The following UBR2 variants were observed in gnomAD, a reference collection of about 807,000 sequenced individuals.
UBR2 encodes the protein ubiquitin protein ligase E3 component n-recognin 2.
A neutral mutation model predicts 247.9 loss-of-function variants in UBR2; 92 were observed. The ratio of observed to expected loss-of-function variants is 0.37; its 90% CI spans 0.31 to 0.44. The LOEUF is 0.44. Ranked by LOEUF, UBR2 falls within the 20% of genes least tolerant of loss-of-function variation. UBR2 has a pLI of 1.00. For synonymous variants in UBR2, 672 were observed against 693.5 expected (o/e 0.97, Z 0.49); for missense variants, 1,613 against 2,112.6 (o/e 0.76, Z 4.64).
intron 7 of UBR2, 27 bp from the exon 8 acceptor site, chr6:42,612,144 T>G (rs778334715): frequency 6.7e-7 from 1 of 1,486,278 alleles, no homozygotes; most frequent in South Asian, 1.4e-5. Context: ...TTAAGTTAAT[T>G]TTTAAATCTT....
intron 34 of UBR2, 63 bp from the exon 35 acceptor site, chr6:42,670,029 A>G (rs1049275142): frequency 1.3e-6 from 2 of 1,572,926 alleles, no homozygotes; most frequent in Non-Finnish European, 1.7e-6. Flanking sequence ...CTGTTAAGAA[A>G]CCGAACCATT....
intron 32 of UBR2, 83 bp downstream of exon 32, chr6:42,663,502 A>G: frequency 7.1e-7 from 1 of 1,405,472 alleles, no homozygotes; most frequent in Non-Finnish European, 9.6e-7. Context: ...AGGAAAACTT[A>G]GTCTAGGCAA....
At chr6:42,652,790 G>T (rs1797201165) in intron 25 of UBR2, 145 bp downstream of exon 25, 1 of 796,282 alleles carries the variant, frequency 1.3e-6, no homozygotes, top group Non-Finnish European at 1.9e-6. Flanking sequence ...TTTTGTGTCT[G>T]ACAGTAAAAA....
chr6:42,615,345 A>G (rs1003951881), intron 9 of UBR2, among the ~76,000 whole-genome samples, 167 bp downstream of exon 9: 3 of 152,240 alleles, frequency 2.0e-5, no homozygotes, highest in East Asian at 1.9e-4. Flanking sequence ...GGTGGGGTCC[A>G]TGATCCAACT....
intron 3 of UBR2, among the ~76,000 whole-genome samples, chr6:42,593,157 G>C (rs1582475742): frequency 6.6e-6 from 1 of 152,256 alleles, no homozygotes; most frequent in Admixed American, 6.5e-5. Context: ...CTGGGCGACA[G>C]AGCGAGACTC....
Position 42,659,814 on chromosome 6 carries a change from C to T in UBR2, c.3401C>T (p.Thr1134Ile), listed in dbSNP as rs1797698433. ...TTGGCAGCATTTGTTCAGAGATCAA[C>T]TGTATTATCAAAAAACAGAAGTAAA... is the stretch of plus-strand genomic sequence containing the variant. ...MVLAAFVQRS[T>I]VLSKNRSKFI... is the part of the protein sequence containing the mutation. The change falls in exon 30 of 47, where the codon ACT (threonine) becomes ATT (isoleucine). Residue 1134 changes from threonine (T) to isoleucine (I), a missense_variant. Transcript: ENST00000372901. The surrounding 1 kb of genome is among the most constrained non-coding windows in gnomAD (Gnocchi z 4.3). The T allele has an allele frequency of 6.2e-7, 1 of 1,614,050 alleles. No individual in the cohort carries two copies. Among genetic ancestry groups the T allele is most frequent in the Non-Finnish European group, 8.5e-7 (1 of 1,180,028 alleles).
At chr6:42,595,254 T>G (rs1392299069) in intron 4 of UBR2, among the ~76,000 whole-genome samples, 1 of 152,232 alleles carries the variant, frequency 6.6e-6, no homozygotes, top group African/African-American at 2.4e-5. Context: ...TAGAACTCAT[T>G]CTTTCTATCT....
At chr6:42,585,744 T>G (rs1792211705) in intron 2 of UBR2, among the ~76,000 whole-genome samples, 1 of 152,222 alleles carries the variant, frequency 6.6e-6, no homozygotes, top group African/African-American at 2.4e-5. Flanking sequence ...TTGCTTTTGA[T>G]GTCTGTGGTG....
At chr6:42,690,663 CT>C (rs1299022350) in intron 46 of UBR2, among the ~76,000 whole-genome samples, 2 of 152,088 alleles carry the variant, frequency 1.3e-5, no homozygotes, top group Non-Finnish European at 2.9e-5. Flanking sequence ...TATAATTCTT[CT>C]TTTGTGTTCT....
chr6:42,601,305 A>G (rs1325271018), intron 4 of UBR2, among the ~76,000 whole-genome samples: 2 of 152,188 alleles, frequency 1.3e-5, no homozygotes, highest in Non-Finnish European at 2.9e-5. Flanking sequence ...ACCAGCTCTG[A>G]TTCTTTCTGT....
At chr6:42,673,984 A>T in intron 37 of UBR2, 97 bp downstream of exon 37, 1 of 1,273,300 alleles carries the variant, frequency 7.9e-7, no homozygotes, top group African/African-American at 1.5e-5. Context: ...TTAAATATTT[A>T]GTAGTACTGG....
chr6:42,647,989 T>C, intron 21 of UBR2, 129 bp from the exon 22 acceptor site: 2 of 586,326 alleles, frequency 3.4e-6, no homozygotes, highest in South Asian at 5.6e-5. Flanking sequence ...TATGGAATCC[T>C]CATCTGTAAA....
intron 18 of UBR2, among the ~76,000 whole-genome samples, chr6:42,643,856 G>A (rs1230638357): frequency 6.6e-6 from 1 of 151,988 alleles, no homozygotes; most frequent in Non-Finnish European, 1.5e-5. Context: ...AAGTCCAAAC[G>A]GTGATCAGAG....
chr6:42,625,273 G>A (rs774830458), intron 11 of UBR2, among the ~76,000 whole-genome samples: 4 of 152,034 alleles, frequency 2.6e-5, no homozygotes, highest in Non-Finnish European at 5.9e-5. Context: ...CTAATAACAT[G>A]TTTTTTCTTG....
At position 42,592,225 on chromosome 6, in the gene UBR2, A is replaced by G. The variant is rs1582473442; in HGVS notation, c.413A>G (p.Tyr138Cys). Residue 138 changes from tyrosine to cysteine, a missense_variant, in exon 3 of 47, where the codon TAT becomes TGT. By Grantham distance (194) the Tyr-to-Cys change is radical. Around this residue, in one of 3 missense-constraint regions of UBR2, gnomAD observed 1,524 missense variants for 1,967.3 expected, o/e 0.77. Transcript: ENST00000372901. ...FLGSIHRDHR[Y>C]RMTTSGGGGF... is the part of the protein sequence containing the mutation. ...GGAAGTATTCACAGAGATCATCGAT[A>G]TAGGGTTAGTAATGTCCAAATAATA... 3 of 1,583,834 alleles carry G rather than the reference A, an allele frequency of 1.9e-6. No homozygotes were observed. Among genetic ancestry groups the G allele is most frequent in the East Asian group, 2.3e-5 (1 of 44,432 alleles).
chr6:42,691,777 T>TA lies in UBR2; in HGVS notation c.*605dup, dbSNP rs1799763782. Reference sequence around the variant, plus strand: ...GTGCTGGCTGGTTTTTCAGGGCTGTTAGAGGTTTTTTTTTTTTCTTTTTTT... The same window carrying TA: ...GTGCTGGCTGGTTTTTCAGGGCTGTTAAGAGGTTTTTTTTTTTTCTTTTTTT... On this transcript the variant is annotated 3_prime_UTR_variant, in exon 47 of 47. Coordinates refer to ENST00000372901, the MANE Select transcript of UBR2 (RefSeq NM_001363705.2). 1 of 146,726 alleles carries TA rather than the reference T, an allele frequency of 6.8e-6. No homozygotes were observed. Among genetic ancestry groups the TA allele is most frequent in the Admixed American group, 6.8e-5 (1 of 14,714 alleles). The allele number at this position is 146,726 out of a possible 1,614,324, so 9.1% of individuals were successfully genotyped here.
At chr6:42,631,860 T>TTA (rs59218885) in intron 11 of UBR2, among the ~76,000 whole-genome samples, 3,211 of 61,328 alleles carry the variant, frequency 0.052, 64 homozygotes, top group Non-Finnish European at 0.069. Flanking sequence ...TACTCTGATT[T>TTA]TATATATATA....
chr6:42,580,211 C>T (rs919039843), intron 2 of UBR2, among the ~76,000 whole-genome samples: 1 of 152,054 alleles, frequency 6.6e-6, no homozygotes, highest in Non-Finnish European at 1.5e-5. Context: ...CTCTCTCTGA[C>T]CTGGGAAAAT....
Position 42,691,051 on chromosome 6 carries a change from T to A in UBR2, c.5146T>A (p.Leu1716Ile). Residue 1716 changes from leucine to isoleucine, a missense_variant, in exon 47 of 47, where the codon TTA becomes ATA. Physicochemically the swap from Leu to Ile is conservative, Grantham distance 5. Transcript: ENST00000372901. ...TTCTAGACGGGGAAATCCTTTACATTTATGCAAAGAGCGATTCAAGAAGAT... is the reference window on the plus strand; with the variant it reads ...TTCTAGACGGGGAAATCCTTTACATATATGCAAAGAGCGATTCAAGAAGAT... ...QGLRRGNPLH[L>I]CKERFKKIQK... The A allele has an allele frequency of 1.2e-6, 2 of 1,614,028 alleles. No homozygotes were observed. Among genetic ancestry groups the A allele is most frequent in the Non-Finnish European group, 1.7e-6 (2 of 1,180,004 alleles).
Sources: gnomAD v4.1 joint callset for allele counts (sites outside exome capture counted in the v4.1 genomes callset) on GRCh38, gnomAD v4.1.1 for gene constraint, gnomAD v4.1.1 regional missense constraint, Gnocchi (gnomAD v3.1) non-coding constraint, MANE v1.5 for transcripts, NCBI Gene and HGNC (gene_info 2026-07-23, HGNC 2026-07-21) for gene names.